WFDC1: variants seen among roughly 807,000 people sequenced by gnomAD.
WFDC1 encodes WAP four-disulfide core domain 1.
WFDC1 carries 39 observed loss-of-function variants against 32.9 expected under a neutral mutation model. The ratio of observed to expected loss-of-function variants is 1.19; its 90% CI spans 0.92 to 1.55. The LOEUF (loss-of-function observed/expected upper bound fraction) is 1.55, where lower values mean the gene tolerates loss of function less well. WFDC1 is among the 40% of genes most tolerant of loss of function. The pLI is 0.00. For synonymous variants in WFDC1, 184 were observed against 137.4 expected, an observed-to-expected ratio of 1.34 and a Z score of -2.37; for missense variants, 386 against 309.5, an observed-to-expected ratio of 1.25 and a Z score of -1.85.
chr16:84,316,353 C>T (rs960244397), intron 2 of WFDC1: 19 of 152,318 alleles, frequency 1.2e-4, no homozygotes, highest in African/African-American at 4.6e-4. Flanking sequence ...TTTTTCTATT[C>T]TCTTTATAAA....
intron 1 of WFDC1, among the ~76,000 whole-genome samples, chr16:84,310,625 G>T (rs1224045960): frequency 6.6e-6 from 1 of 152,078 alleles, no homozygotes; most frequent in African/African-American, 2.4e-5. Context: ...GTGTGATCTT[G>T]TGTATCCTTC....
At chr16:84,317,680 C>T (rs1908042647) in intron 2 of WFDC1, 1 of 154,118 alleles carries the variant, frequency 6.5e-6, no homozygotes, top group African/African-American at 2.4e-5. Flanking sequence ...TGCAACAAAC[C>T]TGCATGTGTA....
intron 2 of WFDC1, among the ~76,000 whole-genome samples, chr16:84,315,889 G>C (rs551402880): frequency 6.6e-6 from 1 of 152,284 alleles, no homozygotes; most frequent in Admixed American, 6.5e-5. Context: ...TTGTTTATTT[G>C]GGAGGTGATC....
intron 1 of WFDC1, among the ~76,000 whole-genome samples, chr16:84,303,067 T>C (rs1907041914): frequency 6.6e-6 from 1 of 150,398 alleles, no homozygotes; most frequent in East Asian, 2.0e-4. Context: ...CCCATTAACC[T>C]TGTGCCAAAT....
intron 1 of WFDC1, chr16:84,296,856 G>A (rs765631141): frequency 4.6e-5 from 7 of 152,206 alleles, no homozygotes; most frequent in Non-Finnish European, 1.0e-4. Context: ...GAGGCTCACA[G>A]GCAGAAGTGG....
chr16:84,318,054 G>A, intron 2 of WFDC1: 1 of 519,556 alleles, frequency 1.9e-6, no homozygotes, highest in South Asian at 2.1e-5. Flanking sequence ...TGCAAGGGAG[G>A]CAGGGAAGGC....
chr16:84,326,779 G>T, intron 5 of WFDC1, 103 bp from the exon 6 acceptor site: 2 of 1,400,450 alleles, frequency 1.4e-6, no homozygotes, highest in South Asian at 2.4e-5. Context: ...GGGAGGAGAG[G>T]GCCAGGTCAC....
chr16:84,312,011 C>G (rs973244672), intron 1 of WFDC1, among the ~76,000 whole-genome samples: 1 of 151,860 alleles, frequency 6.6e-6, no homozygotes, highest in African/African-American at 2.4e-5. Context: ...ACTAAAAATA[C>G]AAAATTAGCC....
chr16:84,299,398 A>C (rs754503752), intron 1 of WFDC1, among the ~76,000 whole-genome samples: 3 of 151,754 alleles, frequency 2.0e-5, no homozygotes, highest in South Asian at 4.2e-4. Context: ...AAAAAAAAAA[A>C]CCAAAAACCC....
intron 3 of WFDC1, 60 bp downstream of exon 3, chr16:84,318,415 C>T: frequency 1.9e-6 from 3 of 1,556,652 alleles, no homozygotes; most frequent in South Asian, 1.1e-5. Context: ...TTCTCAGCTG[C>T]TTCCAGAAAG....
chr16:84,323,312 T>C (rs1010244188), intron 4 of WFDC1, among the ~76,000 whole-genome samples: 2 of 152,216 alleles, frequency 1.3e-5, no homozygotes, highest in African/African-American at 2.4e-5. Flanking sequence ...CGCGCATATG[T>C]GCTTGATTAA....
intron 5 of WFDC1, among the ~76,000 whole-genome samples, 198 bp downstream of exon 5, chr16:84,324,658 C>T (rs1567664844): frequency 6.6e-6 from 1 of 152,204 alleles, no homozygotes. Flanking sequence ...TCATGGCAAA[C>T]ATGACCTCAT....
At chr16:84,325,235 C>T (rs1447421476) in intron 5 of WFDC1, among the ~76,000 whole-genome samples, 2 of 145,872 alleles carry the variant, frequency 1.4e-5, no homozygotes, top group Non-Finnish European at 3.0e-5. Flanking sequence ...TGGAGTCTCA[C>T]TCTGTTGCCT....
chr16:84,329,069 T>C (rs1197246061), intron 6 of WFDC1: 2 of 152,134 alleles, frequency 1.3e-5, no homozygotes, highest in Non-Finnish European at 2.9e-5. Flanking sequence ...TCCTCATCTA[T>C]AAAATGGAAC....
At chr16:84,318,420 A>G (rs931850466) in intron 3 of WFDC1, 65 bp downstream of exon 3, 1 of 1,544,320 alleles carries the variant, frequency 6.5e-7, no homozygotes, top group African/African-American at 1.4e-5. Context: ...AGCTGCTTCC[A>G]GAAAGCTGGC....
rs1309583655 is a variant in WFDC1 at position 84,316,346 on chromosome 16, T to G, written c.338-1926T>G. ...ATACTTTAAAAGATGCTAATTATTTTTCTATTCTCTTTATAAAGATAAATA... is the reference window on the plus strand; with the variant it reads ...ATACTTTAAAAGATGCTAATTATTTGTCTATTCTCTTTATAAAGATAAATA... On this transcript the variant is annotated intron_variant, in intron 2 of 6. Coordinates refer to ENST00000219454, the MANE Select transcript of WFDC1 (RefSeq NM_021197.4). 2.0e-5 allele frequency: 3 copies of G among 152,272 alleles called. No homozygotes were observed. The East Asian group carries it at 5.8e-4, about 29-fold the overall frequency. The allele number at this position is 152,272 out of a possible 1,614,324, so 9.4% of individuals were successfully genotyped here.
At chr16:84,321,431 A>G (rs1433762699) in intron 4 of WFDC1, among the ~76,000 whole-genome samples, 1 of 152,232 alleles carries the variant, frequency 6.6e-6, no homozygotes, top group African/African-American at 2.4e-5. Flanking sequence ...TGGAAGGGAT[A>G]GCCTTTTCCA....
At chr16:84,313,727 T>TGGGGCGTGCCCCAGAGAGGAGCG (rs1567658470) in intron 2 of WFDC1, among the ~76,000 whole-genome samples, 2 of 152,138 alleles carry the variant, frequency 1.3e-5, no homozygotes, top group Non-Finnish European at 2.9e-5. Flanking sequence ...GCAATCCAGA[T>TGGGGCGTGCCCCAGAGAGGAGCG]GGGGCGTGCC....
In WFDC1 at chr16:84,307,895, T is replaced by G. The variant is rs59908631; in HGVS notation, c.145-5066T>G. ...GCGGCTGGAAAGTTATTGGTGGTGG[T>G]TACAGGGGTGAGGGAGATTGGGCGG... On this transcript the variant is annotated intron_variant, in intron 1 of 6. Coordinates refer to ENST00000219454, the MANE Select transcript of WFDC1 (RefSeq NM_021197.4). 2.6e-3 allele frequency among the ~76,000 whole-genome samples: 390 copies of G among 152,130 alleles called. 1 individual carries two copies. Among genetic ancestry groups the G allele is most frequent in the African/African-American group, 9.0e-3 (372 of 41,496 alleles).
Sources: allele counts gnomAD v4.1 joint callset (sites outside exome capture counted in the v4.1 genomes callset), GRCh38; gene constraint gnomAD v4.1.1; transcripts MANE v1.5; gene names NCBI Gene and HGNC (gene_info 2026-07-23, HGNC 2026-07-21).